The following KAZN variants were observed in gnomAD, a reference collection of about 807,000 sequenced individuals.
KAZN encodes kazrin, periplakin interacting protein.
A neutral mutation model predicts 87.4 loss-of-function variants in KAZN; 40 were observed. That is an observed-to-expected ratio of 0.46 (90% confidence interval 0.36 to 0.60). The LOEUF (loss-of-function observed/expected upper bound fraction) is 0.60, where lower values mean the gene tolerates loss of function less well. Ranked by LOEUF, KAZN falls within the 20% of genes least tolerant of loss-of-function variation. The pLI is 0.00. For synonymous variants in KAZN, 466 were observed against 458.3 expected (o/e 1.02, Z -0.22); for missense variants, 898 against 1,073.9 (o/e 0.84, Z 2.29).
intron 8 of KAZN, among the ~76,000 whole-genome samples, chr1:15,070,241 C>T (rs1639446215): frequency 6.6e-6 from 1 of 152,242 alleles, no homozygotes; most frequent in Admixed American, 6.5e-5. Flanking sequence ...CACCAGTAGC[C>T]TCTGACACAG....
At chr1:14,933,434 G>C (rs919428925) in intron 1 of KAZN, among the ~76,000 whole-genome samples, 1 of 151,992 alleles carries the variant, frequency 6.6e-6, no homozygotes, top group Non-Finnish European at 1.5e-5. Context: ...CTGCCCCACC[G>C]CTGATGGTCC....
chr1:14,241,826 A>T (rs184111564), intron 2 of KAZN, among the ~76,000 whole-genome samples: 1 of 152,254 alleles, frequency 6.6e-6, no homozygotes, highest in Non-Finnish European at 1.5e-5. Context: ...GTTGATTTTC[A>T]TAATATCTGT....
chr1:14,231,161 G>A (rs985453398), intron 2 of KAZN, among the ~76,000 whole-genome samples: 10 of 152,240 alleles, frequency 6.6e-5, no homozygotes, highest in African/African-American at 2.4e-4. Context: ...TTTCTTATTT[G>A]GTTCTTATTA....
intron 2 of KAZN, among the ~76,000 whole-genome samples, chr1:14,522,783 T>C (rs2148466774): frequency 6.6e-6 from 1 of 152,332 alleles, no homozygotes; most frequent in African/African-American, 2.4e-5. Context: ...GTAGAAGGAA[T>C]GAATGAATCA....
chr1:14,365,044 CCT>C (rs776137913), intron 2 of KAZN, among the ~76,000 whole-genome samples: 54 of 151,486 alleles, frequency 3.6e-4, no homozygotes, highest in South Asian at 1.7e-3. Context: ...TGCCCGGCCC[CCT>C]CTCTTTTTTT....
intron 1 of KAZN, among the ~76,000 whole-genome samples, chr1:14,135,793 G>A (rs542715628): frequency 9.2e-5 from 14 of 152,248 alleles, no homozygotes; most frequent in East Asian, 3.9e-4. Context: ...CAGGTCTGTC[G>A]CTCAAGTTTA....
At chr1:14,335,110 C>G (rs1272599451) in intron 2 of KAZN, among the ~76,000 whole-genome samples, 1 of 147,014 alleles carries the variant, frequency 6.8e-6, no homozygotes, top group East Asian at 1.9e-4. Context: ...CTCGGTGCCC[C>G]CCCCCCACCA....
chr1:14,088,527 T>G (rs1183822533), intron 1 of KAZN, among the ~76,000 whole-genome samples: 1 of 152,014 alleles, frequency 6.6e-6, no homozygotes, highest in African/African-American at 2.4e-5. Context: ...TCTTTAAATT[T>G]GTTAAAGATT....
At chr1:14,931,029 G>A (rs1183596566) in intron 1 of KAZN, among the ~76,000 whole-genome samples, 4 of 152,164 alleles carry the variant, frequency 2.6e-5, no homozygotes, top group Non-Finnish European at 4.4e-5. Flanking sequence ...CTGCAGGGAT[G>A]GGGTGAACCC....
chr1:13,893,795 G>C, intron 1 of KAZN: 1 of 1,547,752 alleles, frequency 6.5e-7, no homozygotes, highest in Non-Finnish European at 8.7e-7. Flanking sequence ...CAGAGAATGG[G>C]AAGTGGAGCG....
intron 1 of KAZN, among the ~76,000 whole-genome samples, chr1:14,873,987 G>A (rs1250542609): frequency 6.6e-6 from 1 of 152,166 alleles, no homozygotes; most frequent in Non-Finnish European, 1.5e-5. Flanking sequence ...GAGAAGACAG[G>A]GGCAGGAGCG....
chr1:13,968,144 C>T (rs7540300), intron 1 of KAZN, among the ~76,000 whole-genome samples: 3 of 152,076 alleles, frequency 2.0e-5, no homozygotes, highest in African/African-American at 7.2e-5. Flanking sequence ...CTGGGAAGCC[C>T]GGGGTCCTGC....
intron 8 of KAZN, among the ~76,000 whole-genome samples, chr1:15,068,628 T>C (rs1233098227): frequency 6.6e-6 from 1 of 151,850 alleles, no homozygotes; most frequent in African/African-American, 2.4e-5. Flanking sequence ...GCCACAGGCT[T>C]CCTTGATTGA....
At chr1:15,045,993 A>T (rs540269303) in intron 4 of KAZN, among the ~76,000 whole-genome samples, 1 of 152,204 alleles carries the variant, frequency 6.6e-6, no homozygotes, top group Non-Finnish European at 1.5e-5. Flanking sequence ...GCTAGAGCAA[A>T]GAAAATGTTA....
At chr1:13,932,488 C>G (rs1390588941) in intron 1 of KAZN, among the ~76,000 whole-genome samples, 1 of 152,034 alleles carries the variant, frequency 6.6e-6, no homozygotes, top group Non-Finnish European at 1.5e-5. Context: ...TCTTGATCTC[C>G]TGACCTCGTG....
chr1:14,505,214 A>G (rs1670491723), intron 2 of KAZN, among the ~76,000 whole-genome samples: 1 of 152,142 alleles, frequency 6.6e-6, no homozygotes, highest in East Asian at 1.9e-4. Flanking sequence ...CCCAGAGAAA[A>G]GGCTCATGGG....
intron 1 of KAZN, among the ~76,000 whole-genome samples, chr1:13,946,547 G>T (rs951235847): frequency 6.6e-6 from 1 of 152,136 alleles, no homozygotes; most frequent in Non-Finnish European, 1.5e-5. Flanking sequence ...CAGGGAGTAC[G>T]AGGAAGTTTA....
chr1:14,151,856 G>A (rs2101801131), intron 1 of KAZN, among the ~76,000 whole-genome samples: 1 of 152,208 alleles, frequency 6.6e-6, no homozygotes, highest in African/African-American at 2.4e-5. Flanking sequence ...TTATTTTGGA[G>A]GGCAAGAAGG....
intron 2 of KAZN, among the ~76,000 whole-genome samples, chr1:14,565,887 A>T (rs115773295): frequency 3.3e-3 from 506 of 152,272 alleles, no homozygotes; most frequent in Middle Eastern, 0.014. Context: ...TTTTGATCAC[A>T]TCTGCAGTTA....
Sources: allele counts gnomAD v4.1 joint callset (sites outside exome capture counted in the v4.1 genomes callset), GRCh38; gene constraint gnomAD v4.1.1; transcripts MANE v1.5; gene names NCBI Gene and HGNC (gene_info 2026-07-23, HGNC 2026-07-21).